The following CUL7 variants were observed in gnomAD, a reference collection of about 807,000 sequenced individuals.
CUL7 encodes the protein cullin-7.
CUL7 carries 96 observed loss-of-function variants against 177.7 expected under a neutral mutation model. The ratio of observed to expected loss-of-function variants is 0.54; its 90% CI spans 0.46 to 0.64. CUL7 has a LOEUF of 0.64. Ranked by LOEUF, CUL7 falls within the 30% of genes least tolerant of loss-of-function variation. The probability of loss-of-function intolerance (pLI) is 0.00; values close to 1 mark genes in which losing one functional copy is unlikely to be tolerated. For missense variants in CUL7, 1,893 were observed against 2,187.9 expected (o/e 0.87, Z 2.69); for synonymous variants, 824 against 890.2 (o/e 0.93, Z 1.32).
At position 43,053,527 on chromosome 6, in the gene CUL7, CG is replaced by C; in HGVS notation, c.-9+94del. The C allele has an allele frequency of 2.4e-6, 2 of 842,452 alleles. No homozygotes were observed. The highest frequency in any genetic ancestry group is 3.2e-6 in the Non-Finnish European group (2 of 615,386). The allele number at this position is 842,452 out of a possible 1,614,324, so 52.2% of individuals were successfully genotyped here. On this transcript the variant is annotated intron_variant, in intron 1 of 25. Transcript: ENST00000265348. The surrounding 1 kb of genome is among the most constrained non-coding windows in gnomAD (Gnocchi z 4.1). The stretch of plus-strand genomic sequence containing the variant: ...CCCCATAAGCTAGAACCCCGAGGCA[CG>C]GTAGGATGGGGACCGAGGTTGGGTG...
intron 12 of CUL7, 24 bp from the exon 13 acceptor site, chr6:43,046,115 T>A (rs1763879583): frequency 1.2e-6 from 2 of 1,612,694 alleles, no homozygotes; most frequent in Non-Finnish European, 1.7e-6. Context: ...GGAAAAACCA[T>A]TTGGAACTTG....
chr6:43,052,696 G>T lies in CUL7; in HGVS notation c.93C>A (p.Gly31=). ...TCTGGTACTCAGGATGCCCATCATGGCCCACGCGCTGGCGGATCAGCTCAT... is the reference window on the plus strand; with the variant it reads ...TCTGGTACTCAGGATGCCCATCATGTCCCACGCGCTGGCGGATCAGCTCAT... ...YPDELIRQRV[G]HDGHPEYQIR... The change falls in exon 2 of 26, where the codon GGC becomes GGA. Residue 31 remains glycine (G), a synonymous_variant. Coordinates refer to ENST00000265348, the MANE Select transcript of CUL7 (RefSeq NM_014780.5). This position sits in a 1 kb window ranked among gnomAD's most constrained non-coding sequence, Gnocchi z 4.5. 1 of 1,613,940 alleles carries T rather than the reference G, an allele frequency of 6.2e-7. No homozygotes were observed.
rs78675648 is a variant in CUL7 at position 43,051,958 on chromosome 6, A to C, written c.581-195T>G. ...ATAAACACGATCTACAATAGTCTAA[A>C]CTCTAAATTCTTCCTTTGCATAAAA... On this transcript the variant is annotated intron_variant, in intron 2 of 25. Coordinates refer to ENST00000265348, the MANE Select transcript of CUL7 (RefSeq NM_014780.5). The surrounding 1 kb of genome is among the most constrained non-coding windows in gnomAD (Gnocchi z 5.0). Among the ~76,000 whole-genome samples, 3,350 of 152,266 alleles carry C rather than the reference A, an allele frequency of 0.022. 55 individuals are homozygous for C. Among genetic ancestry groups the C allele is most frequent in the Non-Finnish European group, 0.034 (2,304 of 68,020 alleles).
In CUL7 at chr6:43,041,032, C is replaced by T. The variant is rs777219636; in HGVS notation, c.3689G>A (p.Gly1230Asp). 1 of 1,613,994 alleles carries T rather than the reference C, an allele frequency of 6.2e-7. No individual in the cohort carries two copies. Among genetic ancestry groups the T allele is most frequent in the East Asian group, 2.2e-5 (1 of 44,886 alleles). The change falls in exon 20 of 26, where the codon GGC (glycine) becomes GAC (aspartate). Residue 1230 changes from glycine to aspartate, a missense_variant. Coordinates refer to ENST00000265348, the MANE Select transcript of CUL7 (RefSeq NM_014780.5). The part of the protein sequence containing the change: ...FARHIDQQIQ[G>D]SRIGGAQEME... ...TTCCTGGGCTCCACCGATCCGGCTG[C>T]CCTGGATCTGCTGGTCAATGTGCCG...
At chr6:43,038,500 G>T in intron 24 of CUL7, 28 bp from the exon 25 acceptor site, 2 of 1,613,878 alleles carry the variant, frequency 1.2e-6, no homozygotes, top group South Asian at 1.1e-5. Flanking sequence ...CACTCACTCA[G>T]TGGAGAGCCC....
intron 19 of CUL7, 89 bp from the exon 20 acceptor site, chr6:43,041,164 T>C: frequency 2.3e-6 from 3 of 1,315,856 alleles, no homozygotes; most frequent in Non-Finnish European, 3.2e-6. Flanking sequence ...AAAGTAGATA[T>C]GAATGCTGGC....
At chr6:43,046,450 G>A (rs769511307) in intron 11 of CUL7, 43 bp from the exon 12 acceptor site, 24 of 1,614,078 alleles carry the variant, frequency 1.5e-5, no homozygotes, top group South Asian at 6.6e-5. Context: ...GTCAGGTAGG[G>A]TGTAGAGGGG....
Position 43,046,907 on chromosome 6 carries a change from G to A in CUL7, c.2370C>T (p.Ile790=). 6.2e-7 allele frequency: 1 copy of A among 1,609,656 alleles called. No individual in the cohort carries two copies. Among genetic ancestry groups the A allele is most frequent in the Non-Finnish European group, 8.5e-7 (1 of 1,175,954 alleles). ...GGATGCAGCCTCCCAGGATGTTGGT[G>A]ATGAGTTTGCGGTAGAGGTGGGCAT... ...EKHAHLYRKL[I]TNILGGCIQM... Residue 790 remains isoleucine, a synonymous_variant, in exon 10 of 26, where the codon ATC becomes ATT. Coordinates refer to ENST00000265348, the MANE Select transcript of CUL7 (RefSeq NM_014780.5).
intron 16 of CUL7, among the ~76,000 whole-genome samples, chr6:43,044,298 G>A (rs937871491): frequency 2.0e-5 from 3 of 151,998 alleles, no homozygotes; most frequent in African/African-American, 7.3e-5. Context: ...CTCCAGTCTA[G>A]GCAACAAGAG....
intron 7 of CUL7, among the ~76,000 whole-genome samples, chr6:43,048,975 T>C (rs549901646): frequency 6.6e-6 from 1 of 151,950 alleles, no homozygotes; most frequent in South Asian, 2.1e-4. Context: ...GGTTTCACCA[T>C]GTTAGGCAGG....
rs977541923 is a variant in CUL7 at position 43,052,962 on chromosome 6, G to T, written c.-8-166C>A. Among the ~76,000 whole-genome samples, 3 of 152,196 alleles carry T rather than the reference G, an allele frequency of 2.0e-5. No homozygotes were observed. In the South Asian group the frequency reaches 6.2e-4, roughly 32 times the overall value. On this transcript the variant is annotated intron_variant, in intron 1 of 25. Coordinates refer to ENST00000265348, the MANE Select transcript of CUL7 (RefSeq NM_014780.5). The surrounding 1 kb of genome is among the most constrained non-coding windows in gnomAD (Gnocchi z 4.5). Reference sequence around the variant, plus strand: ...GCACGCTGGGTGGGGGCAGGCCTAAGCAGAGAACACTGGGGTGTTTGTTGT... The same window carrying T: ...GCACGCTGGGTGGGGGCAGGCCTAATCAGAGAACACTGGGGTGTTTGTTGT...
intron 9 of CUL7, among the ~76,000 whole-genome samples, chr6:43,047,714 G>A (rs1764034483): frequency 1.3e-5 from 2 of 152,028 alleles, no homozygotes; most frequent in African/African-American, 4.8e-5. Flanking sequence ...TTCTCCCACA[G>A]GCCCAGCCAA....
rs180906740 is a variant in CUL7, at chr6:43,038,591, A to G, written c.4542T>C (p.Leu1514=). The G allele has an allele frequency of 6.2e-7, 1 of 1,614,098 alleles. No homozygotes were observed. The highest frequency in any genetic ancestry group is 2.2e-5 in the East Asian group (1 of 44,874). ...PLTSSRGPLD[L]HEQKDIPGGV... Reference sequence around the variant, plus strand: ...CTCCTGGTATATCCTTTTGCTCGTGAAGGTCCAGGGGGCCTCTTGAAGAGG... The same window carrying G: ...CTCCTGGTATATCCTTTTGCTCGTGGAGGTCCAGGGGGCCTCTTGAAGAGG... Residue 1514 remains leucine (L), a synonymous_variant, in exon 24 of 26, where the codon CTT becomes CTC. Coordinates refer to ENST00000265348, the MANE Select transcript of CUL7 (RefSeq NM_014780.5).
chr6:43,045,721 CA>C lies in CUL7; in HGVS notation c.2767-40del, dbSNP rs1191705648. The C allele has an allele frequency of 2.5e-6, 4 of 1,606,470 alleles. No homozygotes were observed. Among genetic ancestry groups the C allele is most frequent in the Non-Finnish European group, 3.4e-6 (4 of 1,173,108 alleles). ...GAGAAAGCTGTCACCTCCACACATG[CA>C]GAGCCAAGTTGGCTCTAGGCTCCAG... On this transcript the variant is annotated intron_variant, in intron 13 of 25. Transcript: ENST00000265348. The surrounding 1 kb of genome is among the most constrained non-coding windows in gnomAD (Gnocchi z 4.8).
rs999597657 is a variant in CUL7, at chr6:43,050,755, G to C, written c.1233+213C>G. Among the ~76,000 whole-genome samples, 3 of 152,042 alleles carry C rather than the reference G, an allele frequency of 2.0e-5. No individual in the cohort carries two copies. The South Asian group carries it at 6.2e-4, about 32-fold the overall frequency. On this transcript the variant is annotated intron_variant, in intron 4 of 25. Transcript: ENST00000265348. This position sits in a 1 kb window ranked among gnomAD's most constrained non-coding sequence, Gnocchi z 4.1. ...TCTGGCTATATCAGTTTCTTCCCAG[G>C]TGTGAGTCTTCTTGACTTCACAGCC...
Position 43,043,475 on chromosome 6 carries a change from G to A in CUL7, c.3328C>T (p.Pro1110Ser). The change falls in exon 17 of 26, where the codon CCT (proline) becomes TCT (serine). Residue 1110 changes from proline to serine, a missense_variant. Coordinates refer to ENST00000265348, the MANE Select transcript of CUL7 (RefSeq NM_014780.5). This position sits in a 1 kb window ranked among gnomAD's most constrained non-coding sequence, Gnocchi z 4.2. ...LVHVEPCEAP[P>S]PVVATPRPKG... Reference sequence around the variant, plus strand: ...GGCCGAGGAGTGGCCACCACAGGAGGGGGTGCCTCACAGGGCTCGACATGC... The same window carrying A: ...GGCCGAGGAGTGGCCACCACAGGAGAGGGTGCCTCACAGGGCTCGACATGC... The A allele has an allele frequency of 1.2e-6, 2 of 1,614,020 alleles. No individual in the cohort carries two copies. Among genetic ancestry groups the A allele is most frequent in the Non-Finnish European group, 1.7e-6 (2 of 1,179,928 alleles).
chr6:43,046,348 G>T lies in CUL7; in HGVS notation c.2548C>A (p.Pro850Thr). 6.2e-7 allele frequency: 1 copy of T among 1,614,190 alleles called. No individual in the cohort carries two copies. The highest frequency in any genetic ancestry group is 8.5e-7 in the Non-Finnish European group (1 of 1,180,032). Residue 850 changes from proline to threonine, a missense_variant, in exon 12 of 26, where the codon CCG becomes ACG. Physicochemically the swap from Pro to Thr is conservative, Grantham distance 38. Around this residue, in one of 5 missense-constraint regions of CUL7, gnomAD observed 973 missense variants for 1,140.9 expected, o/e 0.85. Transcript: ENST00000265348. ...TCCGTCAGCTTGCTGGCCCGGTGCGGGTTGGAGGACACCTCCACCTTCTCC... is the reference window on the plus strand; with the variant it reads ...TCCGTCAGCTTGCTGGCCCGGTGCGTGTTGGAGGACACCTCCACCTTCTCC... ...CWEKVEVSSN[P>T]HRASKLTDHN...
In CUL7 at chr6:43,051,530, C is replaced by T. The variant is rs1764410589; in HGVS notation, c.733-62G>A. 6.2e-7 allele frequency: 1 copy of T among 1,614,022 alleles called. No individual in the cohort carries two copies. The highest frequency in any genetic ancestry group is 1.1e-5 in the South Asian group (1 of 90,968). On this transcript the variant is annotated intron_variant, in intron 3 of 25. Transcript: ENST00000265348. The surrounding 1 kb of genome is among the most constrained non-coding windows in gnomAD (Gnocchi z 5.0). ...CCCAGTTTAAGCCCCTCTCTCCATA[C>T]CATCCTCTGCAGATAGGTGCAAAGG...
chr6:43,038,778 T>G, intron 23 of CUL7, 64 bp downstream of exon 23: 1 of 1,613,110 alleles, frequency 6.2e-7, no homozygotes, highest in South Asian at 1.1e-5. Context: ...GGAGTCAAGG[T>G]TTTGGGAAGA....
Sources: allele counts gnomAD v4.1 joint callset (sites outside exome capture counted in the v4.1 genomes callset), GRCh38; gene constraint gnomAD v4.1.1; regional missense constraint gnomAD v4.1.1; non-coding constraint Gnocchi (gnomAD v3.1); transcripts MANE v1.5; gene names NCBI Gene and HGNC (gene_info 2026-07-23, HGNC 2026-07-21).